The following ZNF311 variants were observed in gnomAD, a reference collection of about 807,000 sequenced individuals.
ZNF311 encodes the protein zinc finger protein zfp31.
ZNF311 carries 14 observed loss-of-function variants against 22.7 expected under a neutral mutation model. That is an observed-to-expected ratio of 0.62 (90% confidence interval 0.41 to 0.96). ZNF311 has a LOEUF of 0.96. Ranked by LOEUF, ZNF311 falls within the 40% of genes least tolerant of loss-of-function variation. The pLI is 0.00. For synonymous variants in ZNF311, 250 were observed against 275.3 expected (o/e 0.91, Z 0.91); for missense variants, 731 against 799.0 (o/e 0.91, Z 1.03).
chr6:28,999,437 A>C (rs746820040), intron 5 of ZNF311, 50 bp downstream of exon 5: 96 of 1,499,778 alleles, frequency 6.4e-5, no homozygotes, highest in Non-Finnish European at 7.5e-5. Flanking sequence ...AAATCAATTA[A>C]ATAATAAAAA....
intron 6 of ZNF311, among the ~76,000 whole-genome samples, chr6:28,998,175 T>C (rs1246512334): frequency 6.6e-6 from 1 of 151,626 alleles, no homozygotes; most frequent in Admixed American, 6.6e-5. Flanking sequence ...CTGAGATTTT[T>C]TTTTTTTTTT....
At chr6:28,998,702 C>T in intron 6 of ZNF311, 32 bp downstream of exon 6, 1 of 1,456,782 alleles carries the variant, frequency 6.9e-7, no homozygotes, top group Non-Finnish European at 9.6e-7. Context: ...CATGGAAGAT[C>T]AGAGGGAACT....
intron 6 of ZNF311, 98 bp from the exon 7 acceptor site, chr6:28,996,684 T>C: frequency 7.3e-7 from 1 of 1,367,734 alleles, no homozygotes; most frequent in Admixed American, 2.6e-5. Flanking sequence ...AACTTTTCCA[T>C]GCTGGAAAAA....
At chr6:29,002,073 T>C (rs1472842813) in intron 3 of ZNF311, among the ~76,000 whole-genome samples, 1 of 152,272 alleles carries the variant, frequency 6.6e-6, no homozygotes, top group Non-Finnish European at 1.5e-5. Flanking sequence ...ATAAGCTTTA[T>C]TTTTTAGCTT....
At chr6:29,000,195 T>A in intron 3 of ZNF311, 148 bp from the exon 4 acceptor site, 1 of 723,284 alleles carries the variant, frequency 1.4e-6, no homozygotes, top group South Asian at 2.1e-5. Flanking sequence ...TCCTCTTCAT[T>A]ATTTTTCTAG....
intron 1 of ZNF311, among the ~76,000 whole-genome samples, chr6:29,004,443 T>TTTTTTTTTTC (rs1562353847): frequency 7.6e-5 from 2 of 26,474 alleles, no homozygotes; most frequent in Non-Finnish European, 1.1e-4. Context: ...TCCTCCTTTC[T>TTTTTTTTTTC]TTTTTTTTTT....
Position 28,998,765 on chromosome 6 carries a change from C to T in ZNF311, c.384G>A (p.Gln128=). 1 of 1,612,884 alleles carries T rather than the reference C, an allele frequency of 6.2e-7. No homozygotes were observed. Among genetic ancestry groups the T allele is most frequent in the East Asian group, 2.2e-5 (1 of 44,870 alleles). ...AGGAGCAGCTTAGGGACTCCCTGTC[C>T]TGTGGATCCTGCACACAGGGGTCTA... ...REVDPCVQDP[Q]DRESLSCSYP... is the part of the protein sequence containing the mutation. The change falls in exon 6 of 7, where the codon CAG becomes CAA. Residue 128 remains glutamine (Q), a synonymous_variant. Transcript: ENST00000377179.
intron 1 of ZNF311, 107 bp from the exon 2 acceptor site, chr6:29,004,321 A>G: frequency 1.4e-6 from 1 of 697,196 alleles, no homozygotes; most frequent in South Asian, 2.6e-5. Context: ...CATATCCAGA[A>G]TACAATCTCA....
chr6:29,003,551 A>T lies in ZNF311; in HGVS notation c.53T>A (p.Leu18His). ...DESSGPPSQL[L>H]WTRQDTQLPQ... is the part of the protein sequence containing the mutation. ...GAGCTGGGTATCCTGGCGGGTCCAA[A>T]GCAGCTGGCTTGGTGGTCCTGAACT... Residue 18 changes from leucine to histidine, a missense_variant, in exon 3 of 7, where the codon CTT (leucine) becomes CAT (histidine). Coordinates refer to ENST00000377179, the MANE Select transcript of ZNF311 (RefSeq NM_001382360.1). 1 of 1,613,032 alleles carries T rather than the reference A, an allele frequency of 6.2e-7. No homozygotes were observed. The highest frequency in any genetic ancestry group is 1.7e-5 in the Admixed American group (1 of 60,016).
intron 6 of ZNF311, 66 bp downstream of exon 6, chr6:28,998,668 G>C: frequency 8.6e-7 from 1 of 1,165,372 alleles, no homozygotes; most frequent in Non-Finnish European, 1.2e-6. Context: ...CCACCACTGA[G>C]AATGTTCCAT....
chr6:28,995,147 C>T lies in ZNF311; in HGVS notation c.1855G>A (p.Ala619Thr). 1 of 1,614,064 alleles carries T rather than the reference C, an allele frequency of 6.2e-7. No homozygotes were observed. Residue 619 changes from alanine to threonine, a missense_variant, in exon 7 of 7, where the codon GCT (alanine) becomes ACT (threonine). By Grantham distance (58) the Ala-to-Thr change is moderately conservative. Transcript: ENST00000377179. The surrounding 1 kb of genome is among the most constrained non-coding windows in gnomAD (Gnocchi z 4.7). ...GTAAGATTTGAGCTCACTCTAAAAGCTTTTCCACATTCCTCACATTCATAA... is the reference window on the plus strand; with the variant it reads ...GTAAGATTTGAGCTCACTCTAAAAGTTTTTCCACATTCCTCACATTCATAA... The part of the protein sequence containing the change: ...KPYECEECGK[A>T]FRVSSNLTGH...
chr6:29,002,768 A>G (rs978957204), intron 3 of ZNF311, among the ~76,000 whole-genome samples: 2 of 151,926 alleles, frequency 1.3e-5, no homozygotes, highest in African/African-American at 4.8e-5. Flanking sequence ...TTACAGGTGC[A>G]TTACACCACA....
At chr6:29,000,778 C>CTT (rs56047302) in intron 3 of ZNF311, among the ~76,000 whole-genome samples, 19 of 144,992 alleles carry the variant, frequency 1.3e-4, no homozygotes, top group South Asian at 2.2e-4. Flanking sequence ...GAAGTAGTTT[C>CTT]TTTTTTTTTT....
intron 3 of ZNF311, among the ~76,000 whole-genome samples, chr6:29,001,574 A>G (rs563996715): frequency 1.3e-5 from 2 of 152,350 alleles, no homozygotes. Context: ...TTAATGTTAC[A>G]TAACAGTTCT....
intron 3 of ZNF311, among the ~76,000 whole-genome samples, chr6:29,003,173 T>G (rs1033902433): frequency 2.6e-5 from 4 of 152,190 alleles, no homozygotes; most frequent in Non-Finnish European, 5.9e-5. Context: ...TACCACAAGT[T>G]TTATAAGTGT....
intron 6 of ZNF311, among the ~76,000 whole-genome samples, chr6:28,997,264 T>C (rs898409698): frequency 4.6e-5 from 7 of 152,102 alleles, no homozygotes; most frequent in African/African-American, 1.7e-4. Flanking sequence ...AGAAGGTCAA[T>C]TTGCCTAGAA....
intron 3 of ZNF311, among the ~76,000 whole-genome samples, 194 bp from the exon 4 acceptor site, chr6:29,000,241 C>T (rs1488478178): frequency 6.6e-6 from 1 of 152,214 alleles, no homozygotes; most frequent in Non-Finnish European, 1.5e-5. Flanking sequence ...GGCCCTGGCA[C>T]AGCAGCCAAG....
intron 5 of ZNF311, 67 bp from the exon 6 acceptor site, chr6:28,998,905 C>A (rs1249942702): frequency 1.9e-6 from 2 of 1,072,372 alleles, no homozygotes; most frequent in Non-Finnish European, 2.8e-6. Flanking sequence ...CTTAGCTAAG[C>A]AGCCCTGATC....
chr6:29,000,178 G>A (rs1780246065), intron 3 of ZNF311, 131 bp from the exon 4 acceptor site: 2 of 778,094 alleles, frequency 2.6e-6, no homozygotes, highest in East Asian at 5.4e-5. Context: ...CTGCCTTACA[G>A]TATCCTTCCT....
Sources: gnomAD v4.1 joint callset for allele counts (sites outside exome capture counted in the v4.1 genomes callset) on GRCh38, gnomAD v4.1.1 for gene constraint, Gnocchi (gnomAD v3.1) non-coding constraint, MANE v1.5 for transcripts, NCBI Gene and HGNC (gene_info 2026-07-23, HGNC 2026-07-21) for gene names.